Variants in LYPD6 observed in about 807,000 individuals in gnomAD.
LYPD6 encodes LY6/PLAUR domain containing 6.
Under a neutral mutation model 22.7 loss-of-function variants are expected in LYPD6, and 15 were observed. The observed-to-expected ratio is 0.66, with a 90% CI of 0.44 to 1.02. The LOEUF (loss-of-function observed/expected upper bound fraction) is 1.02, where lower values mean the gene tolerates loss of function less well. LYPD6 is among the 50% of genes least tolerant of loss of function. The pLI is 0.00. For synonymous variants in LYPD6, 72 were observed against 77.5 expected, an observed-to-expected ratio of 0.93 and a Z score of 0.37; for missense variants, 189 against 208.4, an observed-to-expected ratio of 0.91 and a Z score of 0.57.
intron 1 of LYPD6, among the ~76,000 whole-genome samples, chr2:149,345,487 T>G (rs1478132977): frequency 6.7e-6 from 1 of 150,350 alleles, no homozygotes; most frequent in Non-Finnish European, 1.5e-5. Flanking sequence ...TTTTTTTTTT[T>G]GTATTTTTTA....
At chr2:149,483,748 AT>A in the LYPD6 span, among the ~76,000 whole-genome samples, 3 of 152,236 alleles carry the variant, frequency 2.0e-5, no homozygotes, top group Non-Finnish European at 2.9e-5. Flanking sequence ...CAGCCCATAA[AT>A]TATACAATTA....
chr2:149,353,855 A>G (rs1477891116), intron 1 of LYPD6, among the ~76,000 whole-genome samples: 2 of 152,046 alleles, frequency 1.3e-5, no homozygotes, highest in Non-Finnish European at 2.9e-5. Flanking sequence ...TCTTTCTGGC[A>G]CCAGAGAGAT....
intron 3 of LYPD6, among the ~76,000 whole-genome samples, chr2:149,449,441 G>T (rs1200036360): frequency 6.6e-6 from 1 of 152,202 alleles, no homozygotes; most frequent in Non-Finnish European, 1.5e-5. Context: ...CAGCCAGTCT[G>T]TCTGCCACTC....
At chr2:149,448,938 C>A in intron 2 of LYPD6, 111 bp from the exon 3 acceptor site, 1 of 811,358 alleles carries the variant, frequency 1.2e-6, no homozygotes, top group Non-Finnish European at 1.9e-6. Context: ...GTTTAAGAAA[C>A]TGCTAAGTTG....
At chr2:149,359,215 A>G (rs1395476860) in intron 1 of LYPD6, among the ~76,000 whole-genome samples, 2 of 152,142 alleles carry the variant, frequency 1.3e-5, no homozygotes, top group African/African-American at 2.4e-5. Context: ...TTTGATTTCC[A>G]TGCATGTCTT....
At chr2:149,434,329 C>T (rs1040323928) in intron 1 of LYPD6, among the ~76,000 whole-genome samples, 2 of 152,032 alleles carry the variant, frequency 1.3e-5, no homozygotes, top group African/African-American at 4.8e-5. Context: ...AAAAAGTAAC[C>T]AGAACAAAAG....
chr2:149,348,446 C>T (rs944830702), intron 1 of LYPD6, among the ~76,000 whole-genome samples: 5 of 152,208 alleles, frequency 3.3e-5, no homozygotes, highest in African/African-American at 1.2e-4. Flanking sequence ...GATGACTCCA[C>T]TGTGAAGGTA....
intron 3 of LYPD6, among the ~76,000 whole-genome samples, chr2:149,468,190 A>ACAC (rs1681249676): frequency 2.8e-5 from 2 of 71,494 alleles, no homozygotes; most frequent in African/African-American, 1.0e-4. Flanking sequence ...CACACACACC[A>ACAC]GCCACTGCTG....
chr2:149,441,153 A>G lies in LYPD6; in HGVS notation c.118+3327A>G, dbSNP rs181358823. Among the ~76,000 whole-genome samples the G allele has an allele frequency of 2.8e-4, 42 of 152,320 alleles. No individual in the cohort carries two copies. In the East Asian group the frequency reaches 8.1e-3, roughly 29 times the overall value. On this transcript the variant is annotated intron_variant, in intron 2 of 4. Transcript: ENST00000334166. ...ACCATATTAAGCTGTAGTCTCTACA[A>G]ATAAGCAGGTATCTGTTGAACATAG...
chr2:149,347,428 G>A (rs75149443), intron 1 of LYPD6, among the ~76,000 whole-genome samples: 1,860 of 152,132 alleles, frequency 0.012, 26 homozygotes, highest in South Asian at 0.047. Flanking sequence ...TCTCTCTCTG[G>A]CGTTCCCCCT....
At chr2:149,465,654 T>A (rs983320591) in intron 3 of LYPD6, among the ~76,000 whole-genome samples, 4 of 152,330 alleles carry the variant, frequency 2.6e-5, no homozygotes, top group African/African-American at 9.6e-5. Context: ...TTAAATATAG[T>A]TTCTGTTATT....
At chr2:149,341,290 A>G (rs1681155899) in intron 1 of LYPD6, among the ~76,000 whole-genome samples, 1 of 152,070 alleles carries the variant, frequency 6.6e-6, no homozygotes, top group East Asian at 1.9e-4. Context: ...ACAATTTACA[A>G]TGCTTCTCAT....
chr2:149,437,556 T>C, intron 1 of LYPD6, 82 bp from the exon 2 acceptor site: 1 of 1,237,622 alleles, frequency 8.1e-7, no homozygotes, highest in Non-Finnish European at 1.1e-6. Flanking sequence ...CTCCATCCCA[T>C]CTTACCAGCA....
downstream of LYPD6, among the ~76,000 whole-genome samples, chr2:149,478,171 T>C (rs13414098): frequency 0.05 from 7,538 of 152,170 alleles, 630 homozygotes; most frequent in African/African-American, 0.17. Flanking sequence ...CATAACCACC[T>C]TAATTTTAAA....
chr2:149,464,061 T>A (rs751900629), intron 3 of LYPD6: 10 of 403,296 alleles, frequency 2.5e-5, no homozygotes, highest in Non-Finnish European at 4.9e-5. Flanking sequence ...ATTATTAATA[T>A]TCCTTACAAA....
intron 1 of LYPD6, among the ~76,000 whole-genome samples, chr2:149,336,377 A>G (rs1681034574): frequency 6.6e-6 from 1 of 152,240 alleles, no homozygotes; most frequent in African/African-American, 2.4e-5. Context: ...ATTGAAGATA[A>G]GTGTACTTGG....
At chr2:149,331,081 A>T (rs1445018070) in intron 1 of LYPD6, among the ~76,000 whole-genome samples, 1 of 152,148 alleles carries the variant, frequency 6.6e-6, no homozygotes, top group Non-Finnish European at 1.5e-5. Flanking sequence ...TGCGTCCACC[A>T]GGAACTCCAG....
chr2:149,364,451 C>CAT (rs142084828), intron 1 of LYPD6, among the ~76,000 whole-genome samples: 1,731 of 152,112 alleles, frequency 0.011, 36 homozygotes, highest in African/African-American at 0.039. Flanking sequence ...GCTGAGATGA[C>CAT]ACCTGACTTT....
chr2:149,434,725 C>G (rs754683632), intron 1 of LYPD6, among the ~76,000 whole-genome samples: 2 of 152,142 alleles, frequency 1.3e-5, no homozygotes, highest in Non-Finnish European at 2.9e-5. Context: ...AGAACCCTCT[C>G]TGTGGCCAGG....
Sources: gnomAD v4.1 joint callset for allele counts (sites outside exome capture counted in the v4.1 genomes callset) on GRCh38, gnomAD v4.1.1 for gene constraint, MANE v1.5 for transcripts, NCBI Gene and HGNC (gene_info 2026-07-23, HGNC 2026-07-21) for gene names.